Variants in DUSP22 observed in about 807,000 individuals in gnomAD.
DUSP22 encodes dual specificity protein phosphatase 22.
Under a neutral mutation model 24.5 loss-of-function variants are expected in DUSP22, and 24 were observed. That is an observed-to-expected ratio of 0.98 (90% CI 0.71 to 1.38). The LOEUF (loss-of-function observed/expected upper bound fraction) is 1.38. DUSP22 is among the 40% of genes most tolerant of loss of function. The probability of loss-of-function intolerance (pLI) is 0.00; values close to 1 mark genes in which losing one functional copy is unlikely to be tolerated. For synonymous variants in DUSP22, 160 were observed against 106.4 expected (o/e 1.50, Z -3.10); for missense variants, 330 against 269.2 (o/e 1.23, Z -1.58).
intron 1 of DUSP22, among the ~76,000 whole-genome samples, chr6:293,987 T>C (rs4959659): frequency 3.0e-3 from 462 of 152,250 alleles, no homozygotes; most frequent in East Asian, 0.026. Flanking sequence ...TGCCTTCCCA[T>C]TGGTGGTGGT....
At chr6:328,287 G>A (rs1421319287) in intron 3 of DUSP22, among the ~76,000 whole-genome samples, 1 of 152,308 alleles carries the variant, frequency 6.6e-6, no homozygotes, top group African/African-American at 2.4e-5. Context: ...ACCCGGTAGG[G>A]CTTTCAGTGG....
At chr6:325,962 G>A (rs1379866168) in intron 3 of DUSP22, 2 of 203,960 alleles carry the variant, frequency 9.8e-6, no homozygotes, top group East Asian at 4.4e-4. Context: ...CTGGGCTTCT[G>A]CGTCCTGGTG....
At chr6:314,494 G>T (rs2127399724) in intron 3 of DUSP22, among the ~76,000 whole-genome samples, 1 of 152,424 alleles carries the variant, frequency 6.6e-6, no homozygotes, top group African/African-American at 2.4e-5. Flanking sequence ...AAAGCTCTGG[G>T]TTACTTAGCA....
At position 348,265 on chromosome 6, in the gene DUSP22, G is replaced by A; in HGVS notation, c.426G>A (p.Glu142=). Residue 142 remains glutamate (E), a synonymous_variant, in exon 6 of 7, where the codon GAG becomes GAA. Coordinates refer to ENST00000419235, the MANE Select transcript of DUSP22 (RefSeq NM_001286555.3). ...QRQLQEFEKH[E]VHQYRQWLKE... ...AGCTCCAGGAGTTTGAGAAGCATGA[G>A]GTCCATCAGGTAAGCAGTTCTTAGG... is the stretch of plus-strand genomic sequence containing the variant. 8 of 1,614,286 alleles carry A rather than the reference G, an allele frequency of 5.0e-6. No homozygotes were observed. The highest frequency in any genetic ancestry group is 6.8e-6 in the Non-Finnish European group (8 of 1,180,052).
intron 6 of DUSP22, 96 bp from the exon 7 acceptor site, chr6:348,673 G>T: frequency 6.4e-7 from 1 of 1,555,934 alleles, no homozygotes; most frequent in South Asian, 1.2e-5. Context: ...GGTTATGTGT[G>T]GCACCATCTC....
chr6:298,939 A>C (rs1246905588), intron 1 of DUSP22, among the ~76,000 whole-genome samples: 1 of 152,310 alleles, frequency 6.6e-6, no homozygotes, highest in Non-Finnish European at 1.5e-5. Flanking sequence ...GAAGAAAATA[A>C]AACAAGGCGA....
At chr6:304,498 T>C (rs1292919716) in intron 1 of DUSP22, 130 bp from the exon 2 acceptor site, 2 of 1,363,262 alleles carry the variant, frequency 1.5e-6, no homozygotes, top group Non-Finnish European at 2.1e-6. Flanking sequence ...CCCGCGTGTC[T>C]GTCAGGGAGG....
rs933468736 is a variant in DUSP22 at position 349,069 on chromosome 6, G to T, written c.*118G>T. 3 of 1,478,644 alleles carry T rather than the reference G, an allele frequency of 2.0e-6. No homozygotes were observed. Among genetic ancestry groups the T allele is most frequent in the Admixed American group, 4.5e-5 (2 of 44,516 alleles). 91.6% of individuals were successfully genotyped at this position (1,478,644 alleles called of 1,614,324 possible). A position where few individuals can be genotyped will look rare whatever the true frequency, so the allele number is the denominator to read the frequency against. ...AGGGAGATAGCCAGGGCGAGGTGGGGCGAGGGCTCCTTCCCCCAAGCAACA... is the reference window on the plus strand; with the variant it reads ...AGGGAGATAGCCAGGGCGAGGTGGGTCGAGGGCTCCTTCCCCCAAGCAACA... On this transcript the variant is annotated 3_prime_UTR_variant, in exon 7 of 7. Coordinates refer to ENST00000419235, the MANE Select transcript of DUSP22 (RefSeq NM_001286555.3).
At chr6:328,125 C>T (rs1328102732) in intron 3 of DUSP22, among the ~76,000 whole-genome samples, 1 of 152,294 alleles carries the variant, frequency 6.6e-6, no homozygotes, top group Non-Finnish European at 1.5e-5. Flanking sequence ...GCAGCTTTCA[C>T]TCATGGCAGT....
At chr6:319,317 T>G (rs1355220269) in intron 3 of DUSP22, among the ~76,000 whole-genome samples, 1 of 152,304 alleles carries the variant, frequency 6.6e-6, no homozygotes, top group Non-Finnish European at 1.5e-5. Context: ...GATCTGTGTT[T>G]GGCTGCGCTG....
At chr6:296,897 G>A (rs574977214) in intron 1 of DUSP22, among the ~76,000 whole-genome samples, 1 of 152,424 alleles carries the variant, frequency 6.6e-6, no homozygotes, top group Non-Finnish European at 1.5e-5. Flanking sequence ...CGGCCTGCCT[G>A]GTCTTGTGGC....
chr6:324,973 C>T (rs536509835), intron 3 of DUSP22, among the ~76,000 whole-genome samples: 4 of 152,424 alleles, frequency 2.6e-5, no homozygotes, highest in South Asian at 4.1e-4. Context: ...GGCAGGCTGC[C>T]GCATCCTGCC....
intron 2 of DUSP22, among the ~76,000 whole-genome samples, chr6:308,753 A>G (rs991552900): frequency 6.6e-6 from 1 of 152,312 alleles, no homozygotes; most frequent in Non-Finnish European, 1.5e-5. Context: ...ATTGAATCAT[A>G]TACTTGATCA....
Position 311,903 on chromosome 6 carries a change from A to G in DUSP22, c.79A>G (p.Ser27Gly), listed in dbSNP as rs1160016968. The G allele has an allele frequency of 6.2e-7, 1 of 1,612,674 alleles. No individual in the cohort carries two copies. The change falls in exon 3 of 7, where the codon AGC becomes GGC. Residue 27 changes from serine (S) to glycine (G), a missense_variant. Physicochemically the swap from Ser to Gly is moderately conservative, Grantham distance 56. Transcript: ENST00000419235. The part of the protein sequence containing the change: ...FKDARDAEQL[S>G]KNKVTHILSV... ...AGATGCCAGAGACGCGGAACAATTG[A>G]GCAAGAACAAGGTGACACATATTCT...
chr6:304,293 A>C (rs577515080), intron 1 of DUSP22, among the ~76,000 whole-genome samples: 2 of 152,424 alleles, frequency 1.3e-5, no homozygotes, highest in Non-Finnish European at 2.9e-5. Flanking sequence ...CGTGCAGCAG[A>C]GTGCAGAGCT....
chr6:346,197 A>C (rs548598877), intron 5 of DUSP22, among the ~76,000 whole-genome samples: 1,233 of 152,000 alleles, frequency 8.1e-3, no homozygotes, highest in Non-Finnish European at 0.011. Flanking sequence ...ACTGGACAAC[A>C]GAAACTTCCC....
Position 350,833 on chromosome 6 carries a change from A to G in DUSP22, c.*1882A>G. On this transcript the variant is annotated 3_prime_UTR_variant, in exon 7 of 7. Coordinates refer to ENST00000419235, the MANE Select transcript of DUSP22 (RefSeq NM_001286555.3). ...TTCTTTCTTCACAGCCGCTCCGGGA[A>G]TTCTGAAGTTCTGGGCCTTTCTCAG... 6.2e-7 allele frequency: 1 copy of G among 1,614,278 alleles called. No homozygotes were observed.
chr6:312,187 T>C (rs1758141599), intron 3 of DUSP22, among the ~76,000 whole-genome samples: 1 of 152,312 alleles, frequency 6.6e-6, no homozygotes, highest in African/African-American at 2.4e-5. Flanking sequence ...ATTGCCACTT[T>C]GGCTTTCGTG....
At chr6:346,005 G>A (rs1759852603) in intron 5 of DUSP22, 77 bp downstream of exon 5, 2 of 1,561,946 alleles carry the variant, frequency 1.3e-6, no homozygotes, top group Middle Eastern at 1.7e-4. Context: ...TTTTCCGTGT[G>A]TGAATAATGG....
Sources: allele counts gnomAD v4.1 joint callset (sites outside exome capture counted in the v4.1 genomes callset), GRCh38; gene constraint gnomAD v4.1.1; transcripts MANE v1.5; gene names NCBI Gene and HGNC (gene_info 2026-07-23, HGNC 2026-07-21).